Variants in CCSER1 observed in about 807,000 individuals in gnomAD.
CCSER1 encodes coiled-coil serine rich protein 1.
CCSER1 carries 41 observed loss-of-function variants against 82.0 expected under a neutral mutation model. The ratio of observed to expected loss-of-function variants is 0.50; its 90% confidence interval spans 0.39 to 0.65. The LOEUF (loss-of-function observed/expected upper bound fraction) is 0.65. CCSER1 is among the 30% of genes least tolerant of loss of function. The pLI is 0.00. For synonymous variants in CCSER1, 414 were observed against 383.9 expected, an observed-to-expected ratio of 1.08 and a Z score of -0.92; for missense variants, 1,119 against 1,064.2, an observed-to-expected ratio of 1.05 and a Z score of -0.72.
intron 1 of CCSER1, among the ~76,000 whole-genome samples, chr4:90,250,709 G>T (rs1374968211): frequency 6.6e-6 from 1 of 151,976 alleles, no homozygotes; most frequent in Non-Finnish European, 1.5e-5. Context: ...ATTTTCATAT[G>T]AAATTTAGCA....
intron 10 of CCSER1, among the ~76,000 whole-genome samples, chr4:91,163,800 C>T (rs972056346): frequency 6.6e-6 from 1 of 152,000 alleles, no homozygotes; most frequent in Admixed American, 6.6e-5. Flanking sequence ...CTTCCTCTAT[C>T]CCTTTATTTT....
chr4:90,240,410 A>G (rs1746621654), intron 1 of CCSER1, among the ~76,000 whole-genome samples: 1 of 152,088 alleles, frequency 6.6e-6, no homozygotes, highest in Admixed American at 6.5e-5. Context: ...AAGCAACCAC[A>G]CGTTCTTATA....
chr4:90,817,364 A>G (rs191741458), intron 8 of CCSER1, among the ~76,000 whole-genome samples: 6 of 152,212 alleles, frequency 3.9e-5, no homozygotes, highest in Admixed American at 2.6e-4. Flanking sequence ...CAGTTTTAAA[A>G]CATTCATATA....
chr4:90,825,343 A>G (rs936719256), intron 8 of CCSER1, among the ~76,000 whole-genome samples: 1 of 152,218 alleles, frequency 6.6e-6, no homozygotes, highest in Non-Finnish European at 1.5e-5. Flanking sequence ...TATATAAGCT[A>G]TGTCATACAA....
intron 10 of CCSER1, among the ~76,000 whole-genome samples, chr4:91,279,320 A>G (rs1446012063): frequency 1.3e-5 from 2 of 152,160 alleles, no homozygotes; most frequent in African/African-American, 2.4e-5. Context: ...TATTATTTCA[A>G]TAAGTGTGTT....
At chr4:90,731,958 T>C (rs935465293) in intron 7 of CCSER1, among the ~76,000 whole-genome samples, 3 of 151,796 alleles carry the variant, frequency 2.0e-5, no homozygotes, top group Non-Finnish European at 2.9e-5. Flanking sequence ...TCAGGTGAGG[T>C]AGACTCCCAG....
At chr4:91,050,706 T>C in intron 9 of CCSER1, among the ~76,000 whole-genome samples, 1 of 152,170 alleles carries the variant, frequency 6.6e-6, no homozygotes, top group Non-Finnish European at 1.5e-5. Flanking sequence ...CCTGAAGAAC[T>C]ATCATAGAAA....
rs575420743 is a variant in CCSER1 at position 90,570,588 on chromosome 4, C to T, written c.1725-57437C>T. Among the ~76,000 whole-genome samples, 5 of 152,178 alleles carry T rather than the reference C, an allele frequency of 3.3e-5. No homozygotes were observed. In the East Asian group the frequency reaches 9.7e-4, roughly 30 times the overall value. The stretch of plus-strand genomic sequence containing the variant: ...GTGACCTCCTTCAACATGGACTATC[C>T]CTAAGAGAGGGGGTGAATGCAGCCT... On this transcript the variant is annotated intron_variant, in intron 5 of 10. Coordinates refer to ENST00000509176, the MANE Select transcript of CCSER1 (RefSeq NM_001145065.2).
At chr4:90,749,212 G>C (rs1419619727) in intron 7 of CCSER1, among the ~76,000 whole-genome samples, 1 of 151,234 alleles carries the variant, frequency 6.6e-6, no homozygotes. Context: ...ATTGATTTTT[G>C]TATAAGGTGT....
At chr4:90,884,633 A>G (rs893014043) in intron 8 of CCSER1, among the ~76,000 whole-genome samples, 4 of 152,162 alleles carry the variant, frequency 2.6e-5, no homozygotes, top group African/African-American at 9.7e-5. Context: ...AAATTTGACA[A>G]ACCTGCTTAG....
In CCSER1 at chr4:91,194,579, C is replaced by T. The variant is rs551829999; in HGVS notation, c.2217+108585C>T. On this transcript the variant is annotated intron_variant, in intron 10 of 10. Coordinates refer to ENST00000509176, the MANE Select transcript of CCSER1 (RefSeq NM_001145065.2). Reference sequence around the variant, plus strand: ...TATTGATTGTCATAGCATTGCTCCACAGTCAATCATGTCACATAAATGTGA... The same window carrying T: ...TATTGATTGTCATAGCATTGCTCCATAGTCAATCATGTCACATAAATGTGA... Among the ~76,000 whole-genome samples the T allele has an allele frequency of 3.1e-4, 47 of 152,216 alleles. No individual in the cohort carries two copies. In the South Asian group the frequency reaches 8.1e-3, roughly 26 times the overall value.
chr4:90,556,293 T>G (rs922323301), intron 5 of CCSER1, among the ~76,000 whole-genome samples: 6 of 152,128 alleles, frequency 3.9e-5, no homozygotes, highest in Non-Finnish European at 5.9e-5. Context: ...TAATTTCAAT[T>G]AAACTTCCTA....
At chr4:91,238,828 ATT>A (rs5860225) in intron 10 of CCSER1, among the ~76,000 whole-genome samples, 2 of 146,368 alleles carry the variant, frequency 1.4e-5, no homozygotes, top group Admixed American at 6.8e-5. Context: ...TATTTTAAGC[ATT>A]TTTTTTTTTT....
intron 1 of CCSER1, among the ~76,000 whole-genome samples, chr4:90,133,252 T>G (rs1723104781): frequency 6.6e-6 from 1 of 152,196 alleles, no homozygotes; most frequent in Non-Finnish European, 1.5e-5. Context: ...TAACTATGTT[T>G]TCTGACCAAA....
intron 6 of CCSER1, among the ~76,000 whole-genome samples, chr4:90,670,867 T>A (rs1732671979): frequency 1.3e-5 from 2 of 152,158 alleles, no homozygotes; most frequent in African/African-American, 4.8e-5. Context: ...AAGAGTCAAG[T>A]ATACCAATAC....
intron 5 of CCSER1, among the ~76,000 whole-genome samples, chr4:90,594,557 G>T (rs1417709092): frequency 6.6e-6 from 1 of 152,072 alleles, no homozygotes; most frequent in Non-Finnish European, 1.5e-5. Flanking sequence ...TGGGGAAGCA[G>T]TGATTTTGGA....
intron 10 of CCSER1, among the ~76,000 whole-genome samples, chr4:91,142,104 C>T (rs1278770792): frequency 6.6e-6 from 1 of 152,014 alleles, no homozygotes; most frequent in Non-Finnish European, 1.5e-5. Context: ...CCATATTTCA[C>T]CTTGAATTGT....
chr4:91,011,347 G>C (rs1405910806), intron 9 of CCSER1, among the ~76,000 whole-genome samples: 1 of 134,074 alleles, frequency 7.5e-6, no homozygotes, highest in African/African-American at 2.5e-5. Context: ...GACCTCTCTT[G>C]GTGCTGGATC....
At chr4:90,487,345 A>G (rs1432354922) in intron 5 of CCSER1, among the ~76,000 whole-genome samples, 1 of 152,224 alleles carries the variant, frequency 6.6e-6, no homozygotes, top group East Asian at 1.9e-4. Flanking sequence ...TCATGCACAG[A>G]AGGTCATCTC....
Sources: gnomAD v4.1 joint callset for allele counts (sites outside exome capture counted in the v4.1 genomes callset) on GRCh38, gnomAD v4.1.1 for gene constraint, MANE v1.5 for transcripts, NCBI Gene and HGNC (gene_info 2026-07-23, HGNC 2026-07-21) for gene names.